MALRD1: variants seen among roughly 807,000 people sequenced by gnomAD.
MALRD1 encodes MAM and LDL-receptor class A domain-containing protein 1.
Under a neutral mutation model 242.1 loss-of-function variants are expected in MALRD1, and 247 were observed. The observed-to-expected ratio is 1.02, with a 90% CI of 0.92 to 1.13. The LOEUF is 1.13. Among genes scored for constraint, MALRD1 ranks in the 50% most tolerant of loss-of-function variants. The pLI, the probability that MALRD1 is intolerant of heterozygous loss-of-function variation, is 0.00. For missense variants in MALRD1, 2,989 were observed against 2,533.1 expected (o/e 1.18, Z -3.86); for synonymous variants, 995 against 866.6 (o/e 1.15, Z -2.60).
At chr10:19,320,749 C>A (rs1245667591) in intron 21 of MALRD1, among the ~76,000 whole-genome samples, 1 of 152,080 alleles carries the variant, frequency 6.6e-6, no homozygotes, top group African/African-American at 2.4e-5. Context: ...TGTTTCCTGT[C>A]TTTTTAATTA....
Position 19,352,212 on chromosome 10 carries a change from T to C in MALRD1, c.4356T>C (p.Ile1452=). 6.4e-7 allele frequency: 1 copy of C among 1,550,430 alleles called. No individual in the cohort carries two copies. Among genetic ancestry groups the C allele is most frequent in the Non-Finnish European group, 8.7e-7 (1 of 1,146,896 alleles). The change falls in exon 26 of 40, where the codon ATT becomes ATC. Residue 1452 remains isoleucine (I), a synonymous_variant. Transcript: ENST00000454679. ...TTGGGAAAGGTCAGCGTGGAGACAT[T>C]GCACTTGATGACATTGTGCTTACAG... ...GRVGKGQRGD[I]ALDDIVLTEN...
intron 12 of MALRD1, among the ~76,000 whole-genome samples, chr10:19,156,858 T>A (rs112255654): frequency 5.3e-4 from 81 of 152,126 alleles, no homozygotes; most frequent in African/African-American, 1.9e-3. Flanking sequence ...TTAGTTGGGG[T>A]TGGGGTGTTA....
intron 38 of MALRD1, among the ~76,000 whole-genome samples, chr10:19,730,337 G>A (rs1198890781): frequency 6.6e-6 from 1 of 152,146 alleles, no homozygotes; most frequent in African/African-American, 2.4e-5. Context: ...CTTCAAGATG[G>A]CCTTTCTTTA....
intron 18 of MALRD1, among the ~76,000 whole-genome samples, chr10:19,243,877 T>C (rs1838921319): frequency 6.6e-6 from 1 of 152,072 alleles, no homozygotes. Flanking sequence ...GAAGGCTTAA[T>C]AGAATATGTT....
chr10:19,616,316 G>A (rs114536340), intron 36 of MALRD1, among the ~76,000 whole-genome samples: 2 of 151,930 alleles, frequency 1.3e-5, no homozygotes, highest in African/African-American at 4.8e-5. Context: ...CTTTAACAAA[G>A]GATGAAATTA....
intron 11 of MALRD1, among the ~76,000 whole-genome samples, chr10:19,153,780 T>C (rs1285179521): frequency 6.6e-6 from 1 of 152,214 alleles, no homozygotes; most frequent in Non-Finnish European, 1.5e-5. Context: ...CTTTTTCAGT[T>C]ACTTTTGTTG....
chr10:19,718,230 C>T (rs1316284381), intron 38 of MALRD1, among the ~76,000 whole-genome samples: 2 of 148,724 alleles, frequency 1.3e-5, no homozygotes, highest in Admixed American at 6.7e-5. Context: ...GAAGCAACAG[C>T]AGCAGCAGCA....
chr10:19,722,794 A>C (rs1834831403), intron 38 of MALRD1, among the ~76,000 whole-genome samples: 1 of 152,008 alleles, frequency 6.6e-6, no homozygotes, highest in Admixed American at 6.6e-5. Context: ...GGTGAAGAGA[A>C]TAGCACTCAA....
At chr10:19,120,360 A>C (rs1264634238) in intron 5 of MALRD1, among the ~76,000 whole-genome samples, 1 of 152,208 alleles carries the variant, frequency 6.6e-6, no homozygotes. Flanking sequence ...GTTGATGAAA[A>C]AAATTAAATA....
At chr10:19,111,908 G>C (rs1836692604) in intron 5 of MALRD1, among the ~76,000 whole-genome samples, 1 of 152,162 alleles carries the variant, frequency 6.6e-6, no homozygotes, top group Non-Finnish European at 1.5e-5. Context: ...AAGCATTATG[G>C]GATGAGATTG....
intron 28 of MALRD1, among the ~76,000 whole-genome samples, chr10:19,444,398 T>C (rs1338209426): frequency 6.6e-6 from 1 of 152,230 alleles, no homozygotes; most frequent in Admixed American, 6.5e-5. Context: ...AGTTTCTTCC[T>C]AGCATCGATG....
At chr10:19,078,680 T>A (rs1218486119) in intron 2 of MALRD1, among the ~76,000 whole-genome samples, 1 of 151,904 alleles carries the variant, frequency 6.6e-6, no homozygotes, top group Non-Finnish European at 1.5e-5. Flanking sequence ...GATTTTTGAT[T>A]ACTGATTTAC....
intron 4 of MALRD1, among the ~76,000 whole-genome samples, chr10:19,099,446 T>G (rs1422332778): frequency 2.6e-5 from 4 of 152,132 alleles, no homozygotes; most frequent in Non-Finnish European, 5.9e-5. Flanking sequence ...AGGTCATCTA[T>G]CTTCTCTTAA....
At chr10:19,625,984 C>A (rs1438942729) in intron 36 of MALRD1, among the ~76,000 whole-genome samples, 1 of 151,966 alleles carries the variant, frequency 6.6e-6, no homozygotes, top group East Asian at 1.9e-4. Flanking sequence ...TAACACTGGA[C>A]TGTTTTGCAA....
chr10:19,493,074 G>A (rs1039759065), intron 30 of MALRD1, among the ~76,000 whole-genome samples: 1 of 151,970 alleles, frequency 6.6e-6, no homozygotes, highest in African/African-American at 2.4e-5. Context: ...CATTTGTATT[G>A]TTGTGCAACC....
intron 13 of MALRD1, among the ~76,000 whole-genome samples, chr10:19,174,152 G>A (rs182692432): frequency 1.3e-5 from 2 of 152,242 alleles, no homozygotes; most frequent in Non-Finnish European, 2.9e-5. Flanking sequence ...AGAGAACTCA[G>A]CAAAGATCTT....
Position 19,049,133 on chromosome 10 carries a change from G to T in MALRD1, c.195G>T (p.Arg65=). 2 of 1,233,834 alleles carry T rather than the reference G, an allele frequency of 1.6e-6. No homozygotes were observed. The highest frequency in any genetic ancestry group is 2.0e-6 in the Non-Finnish European group (2 of 988,094). 76.4% of individuals were successfully genotyped at this position (1,233,834 alleles called of 1,614,324 possible). A position where few individuals can be genotyped will look rare whatever the true frequency, so the allele number is the denominator to read the frequency against. Residue 65 remains arginine (R), a synonymous_variant, in exon 1 of 40, where the codon CGG becomes CGT. Coordinates refer to ENST00000454679, the MANE Select transcript of MALRD1 (RefSeq NM_001142308.3). ...AGTGTGGGGATAGCAGTGATGAACGGCACTGTAAGTGACATTCTCCTTTCT... is the reference window on the plus strand; with the variant it reads ...AGTGTGGGGATAGCAGTGATGAACGTCACTGTAAGTGACATTCTCCTTTCT... The part of the protein sequence containing the change: ...TDQCGDSSDE[R]HCLNYERCDF...
chr10:19,533,754 A>T (rs564089568), intron 32 of MALRD1, among the ~76,000 whole-genome samples: 2 of 152,244 alleles, frequency 1.3e-5, no homozygotes, highest in Admixed American at 1.3e-4. Flanking sequence ...CCATGACCCA[A>T]CAGCTCCCAC....
At chr10:19,403,392 T>G (rs1228200404) in intron 28 of MALRD1, among the ~76,000 whole-genome samples, 1 of 152,304 alleles carries the variant, frequency 6.6e-6, no homozygotes, top group South Asian at 2.1e-4. Flanking sequence ...GACTTTGTTA[T>G]AGGTTACAAA....
Sources: allele counts gnomAD v4.1 joint callset (sites outside exome capture counted in the v4.1 genomes callset), GRCh38; gene constraint gnomAD v4.1.1; transcripts MANE v1.5; gene names NCBI Gene and HGNC (gene_info 2026-07-23, HGNC 2026-07-21).